The following VRK2 variants were observed in gnomAD, a reference collection of about 807,000 sequenced individuals.
VRK2 encodes the protein VRK serine/threonine kinase 2, also known as serine/threonine-protein kinase VRK2.
VRK2 carries 60 observed loss-of-function variants against 57.6 expected under a neutral mutation model. The ratio of observed to expected loss-of-function variants is 1.04; its 90% CI spans 0.85 to 1.29. VRK2 has a LOEUF of 1.29. Ranked by LOEUF, VRK2 falls within the 50% of genes most tolerant of loss-of-function variation. The pLI is 0.00. For synonymous variants in VRK2, 231 were observed against 199.2 expected, an observed-to-expected ratio of 1.16 and a Z score of -1.35; for missense variants, 705 against 588.1, an observed-to-expected ratio of 1.20 and a Z score of -2.06.
intron 12 of VRK2, among the ~76,000 whole-genome samples, chr2:58,153,322 C>A (rs1683329649): frequency 6.6e-6 from 1 of 151,968 alleles, no homozygotes; most frequent in Non-Finnish European, 1.5e-5. Context: ...TTTGTCCATT[C>A]ACTATTCAGT....
In VRK2 at chr2:58,139,694, T is replaced by C. The variant is rs1186752086; in HGVS notation, c.885T>C (p.Ala295=). The C allele has an allele frequency of 6.2e-7, 1 of 1,612,834 alleles. No individual in the cohort carries two copies. Among genetic ancestry groups the C allele is most frequent in the South Asian group, 1.1e-5 (1 of 90,962 alleles). ...CCEIAQFLVC[A]HSLAYDEKPN... ...AAATAGCCCAATTTTTGGTATGTGC[T>C]CATAGTTTAGCATATGATGAAAAGC... Residue 295 remains alanine (A), a synonymous_variant, in exon 11 of 13, where the codon GCT becomes GCC. Coordinates refer to ENST00000340157, the MANE Select transcript of VRK2 (RefSeq NM_006296.7).
chr2:58,047,283 C>A, intron 1 of VRK2: 1 of 399,992 alleles, frequency 2.5e-6, no homozygotes, highest in East Asian at 1.6e-4. Flanking sequence ...TCAGGGGCCG[C>A]GGCGGGGTTG....
At chr2:58,081,524 C>T (rs1670865170) in intron 2 of VRK2, among the ~76,000 whole-genome samples, 1 of 150,856 alleles carries the variant, frequency 6.6e-6, no homozygotes, top group Admixed American at 6.6e-5. Context: ...TCTTTGTTAT[C>T]TTCTTTGCTC....
chr2:58,125,705 GTAGATACAGATATAAATA>G (rs1223713961), intron 8 of VRK2, among the ~76,000 whole-genome samples: 1 of 151,886 alleles, frequency 6.6e-6, no homozygotes, highest in Non-Finnish European at 1.5e-5. Context: ...ATATATATAT[GTAGATACAGATATAAATA>G]TAGATATACA....
At chr2:57,998,074 T>G (rs1247404323) in intron 1 of VRK2, among the ~76,000 whole-genome samples, 1 of 152,144 alleles carries the variant, frequency 6.6e-6, no homozygotes, top group African/African-American at 2.4e-5. Flanking sequence ...ATCACCTCTG[T>G]TTTTAAAAAA....
chr2:58,027,290 C>A (rs1337325702), intron 2 of VRK2, among the ~76,000 whole-genome samples: 1 of 152,118 alleles, frequency 6.6e-6, no homozygotes, highest in East Asian at 1.9e-4. Context: ...AATGCCTTGC[C>A]ATCCAACCCT....
intron 2 of VRK2, among the ~76,000 whole-genome samples, chr2:58,057,506 T>C (rs1676701919): frequency 2.3e-5 from 1 of 44,348 alleles, no homozygotes. Flanking sequence ...CAGTTTTCTC[T>C]TTCTAATAAA....
At chr2:58,085,276 G>A (rs1243434299) in intron 4 of VRK2, among the ~76,000 whole-genome samples, 1 of 151,808 alleles carries the variant, frequency 6.6e-6, no homozygotes, top group Non-Finnish European at 1.5e-5. Flanking sequence ...TAAACCATTT[G>A]GATAGGACGG....
chr2:58,101,019 A>T (rs1000727724), intron 7 of VRK2, among the ~76,000 whole-genome samples: 1 of 151,784 alleles, frequency 6.6e-6, no homozygotes, highest in African/African-American at 2.4e-5. Context: ...TTGAAATCCT[A>T]TGTAAATGAT....
At chr2:57,936,044 T>C (rs1419175456) in intron 1 of VRK2, among the ~76,000 whole-genome samples, 3 of 152,174 alleles carry the variant, frequency 2.0e-5, no homozygotes, top group Non-Finnish European at 2.9e-5. Flanking sequence ...GAAGCTCCTA[T>C]TCCACCAACT....
At chr2:57,984,862 G>C (rs1288665163) in intron 1 of VRK2, among the ~76,000 whole-genome samples, 2 of 151,944 alleles carry the variant, frequency 1.3e-5, no homozygotes, top group Non-Finnish European at 2.9e-5. Flanking sequence ...TATAAAATAA[G>C]CATTTAAAAT....
In VRK2 at chr2:58,137,215, CATATATATCAT is replaced by C. The variant is rs1558687216; in HGVS notation, c.856+2019_856+2029del. On this transcript the variant is annotated intron_variant, in intron 10 of 12. Transcript: ENST00000340157. ...ATACATATATATCTCATATATGATA[CATATATATCAT>C]ATGATACATATATATCATATATATG... Among the ~76,000 whole-genome samples the C allele has an allele frequency of 7.8e-4, 32 of 40,774 alleles. 3 individuals are homozygous for C. Among genetic ancestry groups the C allele is most frequent in the African/African-American group, 6.5e-3 (30 of 4,636 alleles). The allele number at this position is 40,774 out of a possible 152,430, so 26.7% of individuals were successfully genotyped here. A position where few individuals can be genotyped will look rare whatever the true frequency, so the allele number is the denominator to read the frequency against.
At chr2:57,949,629 T>G (rs150815251) in intron 1 of VRK2, among the ~76,000 whole-genome samples, 6 of 152,244 alleles carry the variant, frequency 3.9e-5, no homozygotes, top group Non-Finnish European at 7.4e-5. Context: ...CACAATAATA[T>G]TGAAATTATG....
chr2:58,074,391 T>C (rs1669792227), intron 2 of VRK2, among the ~76,000 whole-genome samples: 1 of 152,138 alleles, frequency 6.6e-6, no homozygotes, highest in African/African-American at 2.4e-5. Context: ...TTTTGCCTTC[T>C]CTGTTTTTAA....
intron 2 of VRK2, among the ~76,000 whole-genome samples, chr2:58,069,417 C>T (rs766314756): frequency 2.0e-4 from 31 of 152,116 alleles, no homozygotes; most frequent in Non-Finnish European, 4.0e-4. Context: ...GTTGTGGTGA[C>T]GTTCCCAAGC....
In VRK2 at chr2:57,944,684, C is replaced by G. The variant is rs191330075; in HGVS notation, c.-439+36845C>G. 7.4e-3 allele frequency among the ~76,000 whole-genome samples: 1,118 copies of G among 151,228 alleles called. 18 individuals carry two copies. Among genetic ancestry groups the G allele is most frequent in the African/African-American group, 0.025 (1,020 of 41,228 alleles). ...CCGGGAGGCGGAGTTTGCAGTGAGC[C>G]GAGATCGTGCCACTGCACTCCAGCC... On this transcript the variant is annotated intron_variant, in intron 1 of 15. Coordinates refer to the VRK2 transcript ENST00000417641.
chr2:57,995,891 C>T (rs886457616), intron 1 of VRK2, among the ~76,000 whole-genome samples: 3 of 152,148 alleles, frequency 2.0e-5, no homozygotes, highest in Non-Finnish European at 4.4e-5. Flanking sequence ...GTGCAAATGT[C>T]AACACAAAGA....
intron 2 of VRK2, among the ~76,000 whole-genome samples, chr2:58,077,367 A>G (rs1670262839): frequency 6.6e-6 from 1 of 152,092 alleles, no homozygotes; most frequent in South Asian, 2.1e-4. Flanking sequence ...TTGTTGTCTC[A>G]GGATATTTTT....
At position 58,145,286 on chromosome 2, in the gene VRK2, A is replaced by G. The variant is rs569231574; in HGVS notation, c.1024-1030A>G. 7.2e-5 allele frequency among the ~76,000 whole-genome samples: 11 copies of G among 152,136 alleles called. No individual in the cohort carries two copies. In the South Asian group the frequency reaches 1.0e-3, roughly 14 times the overall value. ...TTAGAGACAGCAAGCTTGTTGTAGA[A>G]GAACTTAACCTCTGATACTGGTACA... On this transcript the variant is annotated intron_variant, in intron 11 of 12. Coordinates refer to ENST00000340157, the MANE Select transcript of VRK2 (RefSeq NM_006296.7).
Sources: allele counts gnomAD v4.1 joint callset (sites outside exome capture counted in the v4.1 genomes callset), GRCh38; gene constraint gnomAD v4.1.1; transcripts MANE v1.5; gene names NCBI Gene and HGNC (gene_info 2026-07-23, HGNC 2026-07-21).